ESF1: variants seen among roughly 807,000 people sequenced by gnomAD.
ESF1 encodes ESF1 homolog.
In ESF1, 58 loss-of-function variants were observed where a neutral mutation model predicts 92.0. That is an observed-to-expected ratio of 0.63 (90% CI 0.51 to 0.78). ESF1 has a LOEUF of 0.78. Among genes scored for constraint, ESF1 ranks in the 30% least tolerant of loss-of-function variants. The pLI is 0.00. For missense variants in ESF1, 922 were observed against 989.1 expected, an observed-to-expected ratio of 0.93 and a Z score of 0.91; for synonymous variants, 321 against 313.7, an observed-to-expected ratio of 1.02 and a Z score of -0.24.
At chr20:13,773,861 C>T (rs963412233) in intron 4 of ESF1, among the ~76,000 whole-genome samples, 7 of 152,148 alleles carry the variant, frequency 4.6e-5, no homozygotes, top group South Asian at 2.1e-4. Flanking sequence ...TTTGGGAGGC[C>T]GAGGCGGGCG....
rs1352350436 is a variant in ESF1, at chr20:13,776,401, C to T, written c.638-131G>A. The T allele has an allele frequency of 7.1e-6, 6 of 845,098 alleles. No homozygotes were observed. The South Asian group carries it at 9.9e-5, about 14-fold the overall frequency. 52.3% of individuals were successfully genotyped at this position (845,098 alleles called of 1,614,324 possible). On this transcript the variant is annotated intron_variant, in intron 2 of 13. Transcript: ENST00000617257. ...AACACAGTAAAGACAAATATATATTCAGTAAATGCTTAGTCAATTTTTATG... is the reference window on the plus strand; with the variant it reads ...AACACAGTAAAGACAAATATATATTTAGTAAATGCTTAGTCAATTTTTATG...
chr20:13,718,153 G>A (rs2049843475), intron 12 of ESF1, among the ~76,000 whole-genome samples: 1 of 152,106 alleles, frequency 6.6e-6, no homozygotes, highest in Non-Finnish European at 1.5e-5. Context: ...GTATGCTCTC[G>A]ACCTTTGTGG....
At chr20:13,717,034 G>C (rs1256680059) in intron 13 of ESF1, among the ~76,000 whole-genome samples, 1 of 151,784 alleles carries the variant, frequency 6.6e-6, no homozygotes, top group Non-Finnish European at 1.5e-5. Context: ...AGCCAGGATG[G>C]TCTTGACCTC....
intron 9 of ESF1, among the ~76,000 whole-genome samples, chr20:13,746,864 T>G (rs2050052745): frequency 6.6e-6 from 1 of 152,226 alleles, no homozygotes; most frequent in African/African-American, 2.4e-5. Context: ...AATATTTTCT[T>G]CCATATTTAT....
intron 13 of ESF1, 98 bp downstream of exon 13, chr20:13,717,270 T>C: frequency 6.8e-7 from 1 of 1,463,804 alleles, no homozygotes; most frequent in African/African-American, 1.4e-5. Context: ...CCTAAGACAT[T>C]TTCAAGGGTA....
At chr20:13,763,579 T>C (rs931483007) in intron 8 of ESF1, among the ~76,000 whole-genome samples, 1 of 152,236 alleles carries the variant, frequency 6.6e-6, no homozygotes, top group African/African-American at 2.4e-5. Flanking sequence ...AATGCCCATA[T>C]AGGCATACAA....
chr20:13,769,878 G>T, intron 7 of ESF1, 29 bp downstream of exon 7: 1 of 1,356,532 alleles, frequency 7.4e-7, no homozygotes, highest in Non-Finnish European at 1.1e-6. Flanking sequence ...ATAGAGTCCA[G>T]CTACATATTT....
chr20:13,725,104 A>C (rs1315203203), intron 11 of ESF1, among the ~76,000 whole-genome samples: 11 of 152,054 alleles, frequency 7.2e-5, no homozygotes, highest in Non-Finnish European at 1.6e-4. Flanking sequence ...TTAGGCAGTA[A>C]CCTCCTGCAC....
intron 9 of ESF1, among the ~76,000 whole-genome samples, chr20:13,755,895 A>C (rs1293286065): frequency 6.6e-6 from 1 of 152,206 alleles, no homozygotes; most frequent in Admixed American, 6.5e-5. Context: ...AAATCAAACC[A>C]AACCACAATA....
chr20:13,769,980 T>C lies in ESF1; in HGVS notation c.1445A>G (p.Asp482Gly), dbSNP rs773803488. ...DDITFDDEPK[D>G]VASEVNLTAY... is the part of the protein sequence containing the mutation. ...TGTTAAATTCACTTCTGAGGCTACA[T>C]CCTTAGGCTCATCATCAAAAGTAAT... Residue 482 changes from aspartate to glycine, a missense_variant, in exon 7 of 14, where the codon GAT becomes GGT. Coordinates refer to ENST00000617257, the MANE Select transcript of ESF1 (RefSeq NM_001276380.2). 1.9e-6 allele frequency: 3 copies of C among 1,611,084 alleles called. No individual in the cohort carries two copies. The highest frequency in any genetic ancestry group is 2.5e-6 in the Non-Finnish European group (3 of 1,179,326).
chr20:13,738,765 T>C (rs1476564291), intron 9 of ESF1, among the ~76,000 whole-genome samples: 2 of 152,216 alleles, frequency 1.3e-5, no homozygotes, highest in African/African-American at 4.8e-5. Context: ...GGTCATAGCC[T>C]GTTTTTCTCT....
chr20:13,774,384 T>C (rs1979831513), intron 4 of ESF1, among the ~76,000 whole-genome samples: 1 of 152,208 alleles, frequency 6.6e-6, no homozygotes, highest in Non-Finnish European at 1.5e-5. Flanking sequence ...GTATATATAA[T>C]GCAATTTTAT....
chr20:13,779,579 G>C (rs1274943117), intron 2 of ESF1, among the ~76,000 whole-genome samples: 1 of 152,186 alleles, frequency 6.6e-6, no homozygotes, highest in African/African-American at 2.4e-5. Flanking sequence ...CTGTTGCCCA[G>C]GCTGGAGTGC....
Position 13,776,132 on chromosome 20 carries a change from A to G in ESF1, c.776T>C (p.Ile259Thr), listed in dbSNP as rs1304259310. Reference sequence around the variant, plus strand: ...ACCTGAAGCTCTACCAACACTTGTAATTTCATTTTCAGATTCCTCATCACT... The same window carrying G: ...ACCTGAAGCTCTACCAACACTTGTAGTTTCATTTTCAGATTCCTCATCACT... ...IGSDEESENEITSVGRASGDD... is the reference protein window; with the variant it reads ...IGSDEESENETTSVGRASGDD... The change falls in exon 3 of 14, where the codon ATT (isoleucine) becomes ACT (threonine). Residue 259 changes from isoleucine (I) to threonine (T), a missense_variant. Ile to Thr is a moderately conservative substitution (Grantham distance 89, BLOSUM62 -1). Coordinates refer to ENST00000617257, the MANE Select transcript of ESF1 (RefSeq NM_001276380.2). 1 of 1,613,762 alleles carries G rather than the reference A, an allele frequency of 6.2e-7. No homozygotes were observed. The highest frequency in any genetic ancestry group is 1.7e-5 in the Admixed American group (1 of 59,990).
chr20:13,744,032 G>C (rs1404689962), intron 9 of ESF1, among the ~76,000 whole-genome samples: 2 of 152,190 alleles, frequency 1.3e-5, no homozygotes, highest in Non-Finnish European at 2.9e-5. Context: ...GTTATTGCAA[G>C]GTTCTAGCTT....
At chr20:13,726,933 C>G (rs116838604) in intron 11 of ESF1, among the ~76,000 whole-genome samples, 1,781 of 152,248 alleles carry the variant, frequency 0.012, 33 homozygotes, top group African/African-American at 0.041. Flanking sequence ...TCTGGGAACA[C>G]TCTGAAATCA....
intron 1 of ESF1, among the ~76,000 whole-genome samples, chr20:13,783,546 C>T (rs1980371514): frequency 6.6e-6 from 1 of 152,180 alleles, no homozygotes; most frequent in Non-Finnish European, 1.5e-5. Context: ...GTTAAGATTC[C>T]CTAGGCCGAG....
rs186766037 is a variant in ESF1 at position 13,745,863 on chromosome 20, C to T, written c.1829-12021G>A. Among the ~76,000 whole-genome samples the T allele has an allele frequency of 5.3e-5, 8 of 152,126 alleles. No homozygotes were observed. The East Asian group carries it at 7.7e-4, about 15-fold the overall frequency. On this transcript the variant is annotated intron_variant, in intron 9 of 13. Coordinates refer to ENST00000617257, the MANE Select transcript of ESF1 (RefSeq NM_001276380.2). Reference sequence around the variant, plus strand: ...AGACTATTAGGAATAGATGTATCTGCGGTAAAACTATATAGAAAAGAAAAA... The same window carrying T: ...AGACTATTAGGAATAGATGTATCTGTGGTAAAACTATATAGAAAAGAAAAA...
chr20:13,766,190 A>G (rs751055934), intron 8 of ESF1, among the ~76,000 whole-genome samples: 8 of 152,230 alleles, frequency 5.3e-5, no homozygotes, highest in Admixed American at 2.0e-4. Context: ...CTAAAAGGAT[A>G]AAGAAAAAAC....
Sources: allele counts gnomAD v4.1 joint callset (sites outside exome capture counted in the v4.1 genomes callset), GRCh38; gene constraint gnomAD v4.1.1; transcripts MANE v1.5; gene names NCBI Gene and HGNC (gene_info 2026-07-23, HGNC 2026-07-21).